XKR4: variants seen among roughly 807,000 people sequenced by gnomAD.
XKR4 encodes the protein XK related 4.
Under a neutral mutation model 53.9 loss-of-function variants are expected in XKR4, and 12 were observed. The ratio of observed to expected loss-of-function variants is 0.22; its 90% confidence interval spans 0.14 to 0.36. The LOEUF (loss-of-function observed/expected upper bound fraction) is 0.36. XKR4 is among the 10% of genes least tolerant of loss of function. The pLI is 1.00. For missense variants in XKR4, 799 were observed against 859.5 expected, an observed-to-expected ratio of 0.93 and a Z score of 0.88; for synonymous variants, 354 against 362.4, an observed-to-expected ratio of 0.98 and a Z score of 0.26.
intron 1 of XKR4, among the ~76,000 whole-genome samples, chr8:55,177,943 C>A (rs879664329): frequency 2.6e-5 from 4 of 152,166 alleles, no homozygotes; most frequent in Admixed American, 2.6e-4. Flanking sequence ...CCTGCCAGGA[C>A]CAGCCTTGAC....
At chr8:55,204,046 T>C (rs1206344497) in intron 1 of XKR4, among the ~76,000 whole-genome samples, 1 of 152,214 alleles carries the variant, frequency 6.6e-6, no homozygotes, top group East Asian at 1.9e-4. Context: ...GGTCTTGCTC[T>C]GTCCCCTAGG....
chr8:55,395,557 A>T, intron 2 of XKR4, among the ~76,000 whole-genome samples: 1 of 152,192 alleles, frequency 6.6e-6, no homozygotes, highest in Admixed American at 6.5e-5. Context: ...TCTGGAATTC[A>T]TAGATAGGTG....
rs541631649 is a variant in XKR4, at chr8:55,186,378, G to A, written c.806+83084G>A. On this transcript the variant is annotated intron_variant, in intron 1 of 2. Transcript: ENST00000327381. The stretch of plus-strand genomic sequence containing the variant: ...GCCTTTAAAAATTCAAATAGAGGCC[G>A]GGCGCTGTGGCTCATGCCTGTAATT... 5.3e-5 allele frequency among the ~76,000 whole-genome samples: 8 copies of A among 152,240 alleles called. No homozygotes were observed. In the East Asian group the frequency reaches 9.7e-4, roughly 18 times the overall value.
intron 2 of XKR4, among the ~76,000 whole-genome samples, chr8:55,407,686 G>A (rs181624067): frequency 6.6e-6 from 1 of 152,356 alleles, no homozygotes; most frequent in East Asian, 1.9e-4. Context: ...GATCACATTT[G>A]TGGAGCACTG....
intron 1 of XKR4, among the ~76,000 whole-genome samples, chr8:55,315,453 G>A (rs921784400): frequency 5.3e-5 from 8 of 152,206 alleles, no homozygotes; most frequent in African/African-American, 1.9e-4. Flanking sequence ...CTTCTGGAGA[G>A]GGCTGTTGCT....
chr8:55,124,406 C>G (rs1363900250), intron 1 of XKR4, among the ~76,000 whole-genome samples: 1 of 152,194 alleles, frequency 6.6e-6, no homozygotes, highest in East Asian at 1.9e-4. Flanking sequence ...TGGTGGTTTC[C>G]CTTTTCAAGG....
Position 55,118,672 on chromosome 8 carries a change from T to G in XKR4, c.806+15378T>G, listed in dbSNP as rs554106736. On this transcript the variant is annotated intron_variant, in intron 1 of 2. Transcript: ENST00000327381. ...ATCAAAAGAATTCCCTTGTTCCCGT[T>G]CAAAAGATGCTTCTCAAAAGTGAAT... is the stretch of plus-strand genomic sequence containing the variant. Among the ~76,000 whole-genome samples, 6 of 152,356 alleles carry G rather than the reference T, an allele frequency of 3.9e-5. No individual in the cohort carries two copies. The East Asian group carries it at 1.2e-3, about 29-fold the overall frequency.
At chr8:55,144,686 T>C (rs1816747931) in intron 1 of XKR4, among the ~76,000 whole-genome samples, 1 of 152,154 alleles carries the variant, frequency 6.6e-6, no homozygotes, top group East Asian at 1.9e-4. Context: ...ATGTGAAGTG[T>C]GGTTCTCGAG....
intron 1 of XKR4, among the ~76,000 whole-genome samples, chr8:55,111,290 G>A (rs540633237): frequency 2.6e-5 from 4 of 152,152 alleles, no homozygotes; most frequent in African/African-American, 9.6e-5. Flanking sequence ...TGTATGATGC[G>A]ATTGGTTAAA....
At chr8:55,325,130 G>T (rs967112473) in intron 1 of XKR4, among the ~76,000 whole-genome samples, 16 of 152,060 alleles carry the variant, frequency 1.1e-4, no homozygotes, top group African/African-American at 3.6e-4. Flanking sequence ...ATATCAAAGA[G>T]ATTTTAAAAA....
chr8:55,476,850 C>G (rs1288666318), intron 2 of XKR4, among the ~76,000 whole-genome samples: 1 of 152,090 alleles, frequency 6.6e-6, no homozygotes, highest in Non-Finnish European at 1.5e-5. Context: ...GGGGGAGGGG[C>G]ACCTGCCATT....
chr8:55,253,918 A>G, intron 1 of XKR4, among the ~76,000 whole-genome samples: 1 of 151,508 alleles, frequency 6.6e-6, no homozygotes, highest in East Asian at 2.0e-4. Context: ...GCAGAGTTTC[A>G]CCACATTGCC....
At chr8:55,472,947 G>A (rs1177708760) in intron 2 of XKR4, among the ~76,000 whole-genome samples, 1 of 152,030 alleles carries the variant, frequency 6.6e-6, no homozygotes, top group Middle Eastern at 3.2e-3. Flanking sequence ...TCCCTACCCA[G>A]GGCCTCAGCA....
chr8:55,300,970 C>T (rs902179570), intron 1 of XKR4, among the ~76,000 whole-genome samples: 3 of 152,004 alleles, frequency 2.0e-5, no homozygotes, highest in Non-Finnish European at 2.9e-5. Flanking sequence ...TCACTGTTCT[C>T]ATCAGACACT....
At chr8:55,158,011 A>G (rs1166730499) in intron 1 of XKR4, among the ~76,000 whole-genome samples, 2 of 152,176 alleles carry the variant, frequency 1.3e-5, no homozygotes, top group Non-Finnish European at 2.9e-5. Context: ...AGAATGATTT[A>G]TATTCCTTTG....
At chr8:55,478,158 G>A (rs989895706) in intron 2 of XKR4, among the ~76,000 whole-genome samples, 24 of 152,016 alleles carry the variant, frequency 1.6e-4, no homozygotes, top group African/African-American at 5.1e-4. Flanking sequence ...GAGAAAGGCC[G>A]GGTTACCCAA....
At chr8:55,171,416 T>G (rs1182250901) in intron 1 of XKR4, among the ~76,000 whole-genome samples, 1 of 152,094 alleles carries the variant, frequency 6.6e-6, no homozygotes, top group Non-Finnish European at 1.5e-5. Context: ...TTGGAAAGCT[T>G]CTCACCAGCT....
Position 55,537,363 on chromosome 8 carries a change from G to C in XKR4, c.*13136G>C, listed in dbSNP as rs568435272. 6.6e-6 allele frequency: 1 copy of C among 152,316 alleles called. No homozygotes were observed. The highest frequency in any genetic ancestry group is 2.4e-5 in the African/African-American group (1 of 41,566). The allele number at this position is 152,316 out of a possible 1,614,324, so 9.4% of individuals were successfully genotyped here. On this transcript the variant is annotated 3_prime_UTR_variant, in exon 3 of 3. Coordinates refer to ENST00000327381, the MANE Select transcript of XKR4 (RefSeq NM_052898.2). ...ATTGTGACTGTAGGAAGCTGAGCTT[G>C]TTTCTCCTAATTTGACACTGGGTTG... is the stretch of plus-strand genomic sequence containing the variant.
chr8:55,297,662 T>G (rs1376108228), intron 1 of XKR4, among the ~76,000 whole-genome samples: 1 of 152,188 alleles, frequency 6.6e-6, no homozygotes, highest in Non-Finnish European at 1.5e-5. Context: ...CACATAAGTT[T>G]TTAAAAAATA....
Sources: gnomAD v4.1 joint callset for allele counts (sites outside exome capture counted in the v4.1 genomes callset) on GRCh38, gnomAD v4.1.1 for gene constraint, MANE v1.5 for transcripts, NCBI Gene and HGNC (gene_info 2026-07-23, HGNC 2026-07-21) for gene names.